Variants in METTL15 observed in about 807,000 individuals in gnomAD.
METTL15 encodes 12S rRNA N(4)-cytidine methyltransferase METTL15.
In METTL15, 34 loss-of-function variants were observed where a neutral mutation model predicts 38.3. The ratio of observed to expected loss-of-function variants is 0.89; its 90% CI spans 0.68 to 1.18. The LOEUF (loss-of-function observed/expected upper bound fraction) is 1.18. METTL15 is among the 50% of genes most tolerant of loss of function. The probability of loss-of-function intolerance (pLI) is 0.00; values close to 1 mark genes in which losing one functional copy is unlikely to be tolerated. For synonymous variants in METTL15, 162 were observed against 170.9 expected, an observed-to-expected ratio of 0.95 and a Z score of 0.41; for missense variants, 438 against 498.4, an observed-to-expected ratio of 0.88 and a Z score of 1.15.
chr11:28,513,780 C>G (rs575196307), intron 6 of METTL15, among the ~76,000 whole-genome samples: 1 of 152,350 alleles, frequency 6.6e-6, no homozygotes, highest in East Asian at 1.9e-4. Flanking sequence ...GGAACATGCC[C>G]TTAAGGCACA....
intron 6 of METTL15, among the ~76,000 whole-genome samples, chr11:28,439,301 T>A (rs1041297013): frequency 6.6e-6 from 1 of 152,176 alleles, no homozygotes; most frequent in African/African-American, 2.4e-5. Flanking sequence ...GTGTGTTACA[T>A]AGTTCTGAGA....
At chr11:28,355,092 A>G (rs1850078173) in intron 4 of METTL15, among the ~76,000 whole-genome samples, 1 of 152,224 alleles carries the variant, frequency 6.6e-6, no homozygotes, top group African/African-American at 2.4e-5. Context: ...AAGTGTCCAC[A>G]TGTTCCTGGG....
intron 6 of METTL15, among the ~76,000 whole-genome samples, chr11:28,506,588 A>C (rs966214984): frequency 2.6e-5 from 4 of 152,110 alleles, no homozygotes; most frequent in Non-Finnish European, 5.9e-5. Flanking sequence ...GTCTTAGGGT[A>C]TATCTTGTCA....
intron 6 of METTL15, among the ~76,000 whole-genome samples, chr11:28,322,769 T>C (rs1849513872): frequency 6.6e-6 from 1 of 152,148 alleles, no homozygotes; most frequent in African/African-American, 2.4e-5. Context: ...TTCACACGTT[T>C]ATTGCATCAT....
rs997498129 is a variant in METTL15 at position 28,412,812 on chromosome 11, G to C, written c.*359-11487G>C. Among the ~76,000 whole-genome samples the C allele has an allele frequency of 2.0e-5, 3 of 151,934 alleles. No homozygotes were observed. The East Asian group carries it at 5.8e-4, about 29-fold the overall frequency. ...CTGATGCATAGAATGAACAAGTCTGGAGAGCTAAAGTACAACATGAGGACT... is the reference window on the plus strand; with the variant it reads ...CTGATGCATAGAATGAACAAGTCTGCAGAGCTAAAGTACAACATGAGGACT... On this transcript the variant is annotated intron_variant and NMD_transcript_variant, in intron 5 of 7. Transcript: ENST00000532947.
intron 4 of METTL15, among the ~76,000 whole-genome samples, chr11:28,289,991 C>G (rs1856445749): frequency 6.6e-6 from 1 of 152,038 alleles, no homozygotes; most frequent in African/African-American, 2.4e-5. Flanking sequence ...TTGTGTTTAT[C>G]AGCAGTAATA....
At chr11:28,284,765 A>T (rs1856186839) in intron 4 of METTL15, among the ~76,000 whole-genome samples, 1 of 152,200 alleles carries the variant, frequency 6.6e-6, no homozygotes, top group Admixed American at 6.5e-5. Context: ...GCTGATCGTT[A>T]TGGAATTCAG....
At chr11:28,312,955 C>T (rs1857357559) in intron 6 of METTL15, among the ~76,000 whole-genome samples, 1 of 151,984 alleles carries the variant, frequency 6.6e-6, no homozygotes, top group African/African-American at 2.4e-5. Flanking sequence ...AACACATTCC[C>T]ACCATAGGAC....
chr11:28,214,294 A>G (rs1028662852), intron 4 of METTL15, among the ~76,000 whole-genome samples: 3 of 152,146 alleles, frequency 2.0e-5, no homozygotes, highest in Non-Finnish European at 4.4e-5. Context: ...TCAGCCTCCC[A>G]CAGGACTGGG....
At chr11:28,151,542 T>C (rs931149992) in intron 3 of METTL15, among the ~76,000 whole-genome samples, 4 of 152,006 alleles carry the variant, frequency 2.6e-5, no homozygotes, top group African/African-American at 9.7e-5. Flanking sequence ...GCACATAATT[T>C]TCTTTTCAGG....
Position 28,208,739 on chromosome 11 carries a change from C to G in METTL15, c.271-2323C>G, listed in dbSNP as rs562739514. Among the ~76,000 whole-genome samples, 4 of 151,508 alleles carry G rather than the reference C, an allele frequency of 2.6e-5. No individual in the cohort carries two copies. The South Asian group carries it at 6.2e-4, about 24-fold the overall frequency. On this transcript the variant is annotated intron_variant, in intron 3 of 6. Transcript: ENST00000407364. ...AAAGTCTCTTATTATTATTCAGTTG[C>G]TTTTTTTATTTGCAACTCCTACAGA...
chr11:28,405,466 C>G (rs1040043150), intron 5 of METTL15, among the ~76,000 whole-genome samples: 4 of 152,086 alleles, frequency 2.6e-5, no homozygotes, highest in African/African-American at 9.7e-5. Flanking sequence ...TAATTTTGCT[C>G]AATCCTCTGT....
At chr11:28,495,502 T>C (rs951016378) in intron 6 of METTL15, among the ~76,000 whole-genome samples, 9 of 152,172 alleles carry the variant, frequency 5.9e-5, no homozygotes, top group African/African-American at 2.2e-4. Context: ...GGCTCCTCCT[T>C]TACATCGTGC....
At position 28,166,227 on chromosome 11, in the gene METTL15, G is replaced by A. The variant is rs1850653914; in HGVS notation, c.271-44835G>A. ...TTGTATTGTAAACTCAATGTTTTCT[G>A]AGTCTGGTGGTATACTTAACTAATC... On this transcript the variant is annotated intron_variant, in intron 3 of 6. Coordinates refer to ENST00000407364, the MANE Select transcript of METTL15 (RefSeq NM_001113528.2). Among the ~76,000 whole-genome samples the A allele has an allele frequency of 2.0e-5, 3 of 152,154 alleles. No individual in the cohort carries two copies. In the South Asian group the frequency reaches 6.2e-4, roughly 31 times the overall value.
intron 4 of METTL15, among the ~76,000 whole-genome samples, chr11:28,238,085 C>T (rs903939097): frequency 1.8e-4 from 27 of 152,178 alleles, no homozygotes; most frequent in African/African-American, 4.1e-4. Flanking sequence ...GCAGTCTGCC[C>T]GTTCTCAAAT....
intron 5 of METTL15, among the ~76,000 whole-genome samples, chr11:28,378,714 G>A (rs569726309): frequency 1.3e-5 from 2 of 150,326 alleles, no homozygotes; most frequent in Non-Finnish European, 3.0e-5. Flanking sequence ...TGGTATCAGG[G>A]TAATGCTAGT....
At chr11:28,478,581 C>A (rs1283709006) in intron 6 of METTL15, among the ~76,000 whole-genome samples, 1 of 152,180 alleles carries the variant, frequency 6.6e-6, no homozygotes, top group African/African-American at 2.4e-5. Context: ...AATGTGCCAG[C>A]AGATTTGGTA....
rs1235740890 is a variant in METTL15, at chr11:28,360,837, T to A, written c.*259-1100T>A. ...CCCCACCCCACAACAGTCCCCAGAGTGTGATGTTCCCCTTCCTGTGTCCAT... is the reference window on the plus strand; with the variant it reads ...CCCCACCCCACAACAGTCCCCAGAGAGTGATGTTCCCCTTCCTGTGTCCAT... On this transcript the variant is annotated intron_variant and NMD_transcript_variant, in intron 4 of 7. Transcript: ENST00000532947. Among the ~76,000 whole-genome samples the A allele has an allele frequency of 1.0e-4, 11 of 109,772 alleles. No individual in the cohort carries two copies. In the Admixed American group the frequency reaches 1.5e-3, roughly 15 times the overall value. The allele number at this position is 109,772 out of a possible 152,430, so 72.0% of individuals were successfully genotyped here. A position where few individuals can be genotyped will look rare whatever the true frequency, so the allele number is the denominator to read the frequency against.
At chr11:28,251,316 C>T (rs1328572316) in intron 4 of METTL15, among the ~76,000 whole-genome samples, 2 of 151,980 alleles carry the variant, frequency 1.3e-5, no homozygotes, top group Admixed American at 6.6e-5. Flanking sequence ...AGTTTTGCTT[C>T]AAAGTTTACA....
Sources: allele counts gnomAD v4.1 joint callset (sites outside exome capture counted in the v4.1 genomes callset), GRCh38; gene constraint gnomAD v4.1.1; transcripts MANE v1.5; gene names NCBI Gene and HGNC (gene_info 2026-07-23, HGNC 2026-07-21).